Variants in AEBP2 observed in about 807,000 individuals in gnomAD.
AEBP2 encodes AE binding protein 2.
A neutral mutation model predicts 50.8 loss-of-function variants in AEBP2; 10 were observed. The ratio of observed to expected loss-of-function variants is 0.20; its 90% confidence interval spans 0.12 to 0.33. The LOEUF is 0.33. AEBP2 is among the 10% of genes least tolerant of loss of function. AEBP2 has a pLI of 1.00. For missense variants in AEBP2, 570 were observed against 688.0 expected (o/e 0.83, Z 1.92); for synonymous variants, 296 against 261.3 (o/e 1.13, Z -1.28).
intron 4 of AEBP2, among the ~76,000 whole-genome samples, chr12:19,497,263 A>G (rs1216321830): frequency 6.6e-6 from 1 of 150,798 alleles, no homozygotes; most frequent in Non-Finnish European, 1.5e-5. Flanking sequence ...GAGAAGATAA[A>G]TCATACAATA....
intron 1 of AEBP2, among the ~76,000 whole-genome samples, chr12:19,424,499 C>T (rs1326899323): frequency 2.0e-5 from 3 of 151,876 alleles, no homozygotes; most frequent in African/African-American, 7.3e-5. Context: ...CGGGTTCACG[C>T]CACTCTCCTG....
chr12:19,474,134 A>T (rs1484632121), intron 3 of AEBP2, among the ~76,000 whole-genome samples: 11 of 152,206 alleles, frequency 7.2e-5, no homozygotes, highest in South Asian at 2.1e-4. Flanking sequence ...TTAGTTGTAA[A>T]TCACTTTTGT....
chr12:19,422,320 G>T (rs1291555792), intron 1 of AEBP2, among the ~76,000 whole-genome samples: 1 of 152,102 alleles, frequency 6.6e-6, no homozygotes, highest in Non-Finnish European at 1.5e-5. Flanking sequence ...TCGAAAGGAA[G>T]TTAGTTATTA....
At chr12:19,475,379 G>C (rs979241583) in intron 3 of AEBP2, among the ~76,000 whole-genome samples, 4 of 152,078 alleles carry the variant, frequency 2.6e-5, no homozygotes, top group African/African-American at 9.7e-5. Context: ...ACTCCATCCA[G>C]GTTTCTGTGA....
intron 2 of AEBP2, among the ~76,000 whole-genome samples, chr12:19,465,791 CTTTTTTTTTTTT>C (rs11284427): frequency 9.3e-6 from 1 of 107,686 alleles, no homozygotes; most frequent in Non-Finnish European, 1.9e-5. Flanking sequence ...ATTGTTTTTT[CTTTTTTTTTTTT>C]TTTTTTGAGA....
chr12:19,430,225 A>C (rs1348272619), intron 1 of AEBP2, among the ~76,000 whole-genome samples: 2 of 152,232 alleles, frequency 1.3e-5, no homozygotes, highest in Non-Finnish European at 2.9e-5. Context: ...ACCATTTATT[A>C]AACAGGAATC....
chr12:19,408,986 A>G (rs575206870), intron 1 of AEBP2, among the ~76,000 whole-genome samples: 2 of 152,214 alleles, frequency 1.3e-5, no homozygotes, highest in South Asian at 4.2e-4. Context: ...CTTTTCCGGA[A>G]GATATATTTT....
rs141536569 is a variant in AEBP2 at position 19,465,967 on chromosome 12, T to C, written c.879+3250T>C. Among the ~76,000 whole-genome samples the C allele has an allele frequency of 2.4e-3, 360 of 151,768 alleles. 1 individual carries two copies. The highest frequency in any genetic ancestry group is 8.1e-3 in the African/African-American group (336 of 41,404). On this transcript the variant is annotated intron_variant, in intron 2 of 7. Transcript: ENST00000266508. ...CCACCACGCCCAGCCAATTTTTGTA[T>C]TTTTAGTATAGATGGGATTTCACCA...
intron 7 of AEBP2, among the ~76,000 whole-genome samples, chr12:19,515,526 T>C (rs749936361): frequency 1.3e-5 from 2 of 152,204 alleles, no homozygotes; most frequent in Admixed American, 6.5e-5. Flanking sequence ...CGAGAGTGAT[T>C]AAAAAAGTGG....
chr12:19,435,145 T>C (rs1023283879), upstream of AEBP2, among the ~76,000 whole-genome samples: 2 of 152,026 alleles, frequency 1.3e-5, no homozygotes, highest in Non-Finnish European at 2.9e-5. Flanking sequence ...TTTTTTTTTT[T>C]TTGAGACAAA....
intron 3 of AEBP2, among the ~76,000 whole-genome samples, chr12:19,491,361 A>G (rs1185670125): frequency 6.6e-6 from 1 of 152,148 alleles, no homozygotes; most frequent in African/African-American, 2.4e-5. Flanking sequence ...GAATATGGCT[A>G]ATTGCCTCTA....
At chr12:19,484,663 G>A (rs144450919) in intron 3 of AEBP2, among the ~76,000 whole-genome samples, 7,352 of 152,068 alleles carry the variant, frequency 0.048, 394 homozygotes, top group Admixed American at 0.15. Flanking sequence ...GTGAGCCACC[G>A]CGCCTGGCCC....
At chr12:19,464,249 G>A (rs1948431303) in intron 2 of AEBP2, among the ~76,000 whole-genome samples, 1 of 152,196 alleles carries the variant, frequency 6.6e-6, no homozygotes, top group South Asian at 2.1e-4. Context: ...TACTTAGTGT[G>A]AAGTATCTTA....
intron 1 of AEBP2, among the ~76,000 whole-genome samples, chr12:19,407,042 T>G (rs1259968617): frequency 6.6e-6 from 1 of 152,222 alleles, no homozygotes; most frequent in Non-Finnish European, 1.5e-5. Context: ...TGTCTCACAC[T>G]TGTAATCTCG....
rs60593194 is a variant in AEBP2, at chr12:19,485,724, A to AAG, written c.988-8076_988-8075insAG. 1.9e-4 allele frequency among the ~76,000 whole-genome samples: 28 copies of AAG among 150,658 alleles called. 1 individual carries two copies. The highest frequency in any genetic ancestry group is 6.8e-4 in the African/African-American group (28 of 41,162). On this transcript the variant is annotated intron_variant, in intron 3 of 7. Coordinates refer to ENST00000266508, the MANE Select transcript of AEBP2 (RefSeq NM_153207.5). ...ACCCTGTCTCAAAAAAAAAAAAAAA[A>AAG]GAAAAGCAGGCCTCTATACTCAGGG...
Position 19,500,369 on chromosome 12 carries a change from ATT to A in AEBP2, c.1299+149_1299+150del, listed in dbSNP as rs1388602219. On this transcript the variant is annotated intron_variant, in intron 5 of 7. Coordinates refer to ENST00000266508, the MANE Select transcript of AEBP2 (RefSeq NM_153207.5). ...GTTTTATCAGTATTTAAAACATTGT[ATT>A]ATTGGTTATAAAGCACACATTTCTT... is the stretch of plus-strand genomic sequence containing the variant. 13 of 813,978 alleles carry A rather than the reference ATT, an allele frequency of 1.6e-5. No homozygotes were observed. In the African/African-American group the frequency reaches 1.8e-4, roughly 11 times the overall value. The allele number at this position is 813,978 out of a possible 1,614,324, so 50.4% of individuals were successfully genotyped here.
intron 1 of AEBP2, among the ~76,000 whole-genome samples, chr12:19,406,542 G>C (rs192223937): frequency 1.7e-4 from 26 of 152,116 alleles, no homozygotes; most frequent in Admixed American, 1.6e-3. Flanking sequence ...AGCCGAACGT[G>C]GTGGCATGCA....
chr12:19,463,809 G>A (rs1948422935), intron 2 of AEBP2, among the ~76,000 whole-genome samples: 1 of 151,252 alleles, frequency 6.6e-6, no homozygotes. Context: ...GGGATTACAG[G>A]TGCCCGCCAC....
chr12:19,410,425 TC>T (rs1415808710), intron 1 of AEBP2, among the ~76,000 whole-genome samples: 4 of 152,192 alleles, frequency 2.6e-5, no homozygotes, highest in Non-Finnish European at 4.4e-5. Flanking sequence ...AGTAGGGACT[TC>T]CTGTCTGCCA....
Sources: allele counts gnomAD v4.1 joint callset (sites outside exome capture counted in the v4.1 genomes callset), GRCh38; gene constraint gnomAD v4.1.1; transcripts MANE v1.5; gene names NCBI Gene and HGNC (gene_info 2026-07-23, HGNC 2026-07-21).